RBMX2: variants seen among roughly 807,000 people sequenced by gnomAD.
RBMX2 encodes RNA binding motif protein X-linked 2.
For synonymous variants in RBMX2, 77 were observed against 94.3 expected (o/e 0.82, Z 1.07); for missense variants, 191 against 256.0 (o/e 0.75, Z 1.73).
At chrX:130,402,938 A>G (rs969679474) in intron 2 of RBMX2, among the ~76,000 whole-genome samples, 9 of 112,923 alleles carry the variant, frequency 8.0e-5, no homozygotes, top group Non-Finnish European at 1.5e-4. Flanking sequence ...ACATTGTGCT[A>G]AGCACTTTAT....
chrX:130,402,225 A>AACCAACCCCCCCCC, intron 1 of RBMX2, 30 bp from the exon 2 acceptor site: 1 of 984,797 alleles, frequency 1.0e-6, no homozygotes, highest in Non-Finnish European at 1.4e-6. Flanking sequence ...TTTTCTGCCT[A>AACCAACCCCCCCCC]CCCTCCCCAC....
chrX:130,413,439 C>G lies in RBMX2; in HGVS notation c.*591C>G, dbSNP rs1206225652. 4.5e-5 allele frequency: 5 copies of G among 111,998 alleles called. No homozygotes were observed. Among genetic ancestry groups the G allele is most frequent in the African/African-American group, 1.6e-4 (5 of 30,709 alleles). 9.2% of individuals were successfully genotyped at this position (111,998 alleles called of 1,213,427 possible). ...ATAAAGTTAACCATTTTAAAGGGAACAATTCAGTGGCATTTGGTACTGAAC... is the reference window on the plus strand; with the variant it reads ...ATAAAGTTAACCATTTTAAAGGGAAGAATTCAGTGGCATTTGGTACTGAAC... On this transcript the variant is annotated 3_prime_UTR_variant, in exon 6 of 6. Coordinates refer to ENST00000305536, the MANE Select transcript of RBMX2 (RefSeq NM_016024.4).
rs2034495387 is a variant in RBMX2 at position 130,408,278 on chromosome X, A to G, written c.174-979A>G. Among the ~76,000 whole-genome samples, 5 of 111,991 alleles carry G rather than the reference A, an allele frequency of 4.5e-5. No homozygotes were observed. The South Asian group carries it at 1.5e-3, about 33-fold the overall frequency. On this transcript the variant is annotated intron_variant, in intron 3 of 5. Transcript: ENST00000305536. ...CTCCCAAAATGCTGGGATTACAGGC[A>G]TGAGCCACCATGCCGAGCCTAATTT...
chrX:130,402,241 C>T lies in RBMX2; in HGVS notation c.6-14C>T, dbSNP rs775019578. 1 of 1,188,432 alleles carries T rather than the reference C, an allele frequency of 8.4e-7. No homozygotes were observed. The highest frequency in any genetic ancestry group is 1.1e-6 in the Non-Finnish European group (1 of 884,572). ...TTTCTGCCTACCCTCCCCACCCCCC[C>T]CGCCACCGTGAAGCCCTTTAACTAA... On this transcript the variant is annotated splice_polypyrimidine_tract_variant and intron_variant, in intron 1 of 5. Coordinates refer to ENST00000305536, the MANE Select transcript of RBMX2 (RefSeq NM_016024.4).
rs1337431547 is a variant in RBMX2, at chrX:130,412,923, A to G, written c.*75A>G. The G allele has an allele frequency of 1.3e-5, 13 of 1,023,677 alleles. No individual in the cohort carries two copies. The East Asian group carries it at 3.3e-4, about 26-fold the overall frequency. The allele number at this position is 1,023,677 out of a possible 1,213,427, so 84.4% of individuals were successfully genotyped here. A position where few individuals can be genotyped will look rare whatever the true frequency, so the allele number is the denominator to read the frequency against. On this transcript the variant is annotated 3_prime_UTR_variant, in exon 6 of 6. Coordinates refer to ENST00000305536, the MANE Select transcript of RBMX2 (RefSeq NM_016024.4). The stretch of plus-strand genomic sequence containing the variant: ...AGTCAAATTCAGTTGGGTGGTTACT[A>G]TTTTTGTATCTAAAACTTCTGGGGC...
At chrX:130,409,170 ATAT>A (rs761376188) in intron 3 of RBMX2, 84 bp from the exon 4 acceptor site, 252 of 838,537 alleles carry the variant, frequency 3.0e-4, no homozygotes, top group East Asian at 2.2e-3. Flanking sequence ...TGTATACACT[ATAT>A]TATTTGAATT....
rs2034468920 is a variant in RBMX2 at position 130,403,703 on chromosome X, T to TTGCTTACTGTTTCCACCCCTAG, written c.122-95_122-74dup. ...TTGATTTCTTTAAGGGCAGGGCCTG[T>TTGCTTACTGTTTCCACCCCTAG]TGCTTACTGTTTCCACCCCTAGTGC... On this transcript the variant is annotated intron_variant, in intron 2 of 5. Coordinates refer to ENST00000305536, the MANE Select transcript of RBMX2 (RefSeq NM_016024.4). 2.1e-5 allele frequency: 16 copies of TTGCTTACTGTTTCCACCCCTAG among 776,476 alleles called. No homozygotes were observed. In the Admixed American group the frequency reaches 3.6e-4, roughly 17 times the overall value. The allele number at this position is 776,476 out of a possible 1,213,427, so 64.0% of individuals were successfully genotyped here.
In RBMX2 at chrX:130,402,147, G is replaced by C. The variant is rs1363566528; in HGVS notation, c.6-108G>C. On this transcript the variant is annotated intron_variant, in intron 1 of 5. Coordinates refer to ENST00000305536, the MANE Select transcript of RBMX2 (RefSeq NM_016024.4). ...GGCCGAGGGGCGGGAGCGGCGCGGG[G>C]ACTGGAACAGCTCGTCCCCTAGTTT... The C allele has an allele frequency of 5.2e-6, 6 of 1,160,105 alleles. No individual in the cohort carries two copies. In the East Asian group the frequency reaches 1.3e-4, roughly 25 times the overall value.
chrX:130,403,685 C>A, intron 2 of RBMX2, 117 bp from the exon 3 acceptor site: 5 of 676,574 alleles, frequency 7.4e-6, no homozygotes, highest in Non-Finnish European at 1.2e-5. Context: ...GACTTGATTT[C>A]TTTAAGGGCA....
At chrX:130,402,228 C>CCAG in intron 1 of RBMX2, 27 bp from the exon 2 acceptor site, 1 of 1,029,130 alleles carries the variant, frequency 9.7e-7, no homozygotes, top group Non-Finnish European at 1.3e-6. Context: ...TCTGCCTACC[C>CCAG]TCCCCACCCC....
intron 3 of RBMX2, among the ~76,000 whole-genome samples, chrX:130,407,665 C>CT (rs1019718080): frequency 0.013 from 1,288 of 100,025 alleles, 18 homozygotes; most frequent in African/African-American, 0.043. Flanking sequence ...AATGTTTTTT[C>CT]TTTTTTTTTT....
intron 3 of RBMX2, 198 bp downstream of exon 3, chrX:130,404,051 T>G: frequency 2.4e-6 from 1 of 420,992 alleles, no homozygotes; most frequent in Admixed American, 3.8e-5. Context: ...AAGAGGTTTG[T>G]TAATTTGGGA....
At chrX:130,408,973 C>T (rs1013117541) in intron 3 of RBMX2, among the ~76,000 whole-genome samples, 4 of 111,442 alleles carry the variant, frequency 3.6e-5, no homozygotes, top group Admixed American at 1.9e-4. Context: ...TGGCTTATAC[C>T]TTTGTTGTGT....
intron 1 of RBMX2, 31 bp from the exon 2 acceptor site, chrX:130,402,224 T>TTCCCC: frequency 7.8e-5 from 92 of 1,174,031 alleles, no homozygotes; most frequent in Non-Finnish European, 9.1e-5. Flanking sequence ...CTTTTCTGCC[T>TTCCCC]ACCCTCCCCA....
chrX:130,409,421 T>C (rs1488449118), intron 4 of RBMX2, 35 bp downstream of exon 4: 1 of 1,183,051 alleles, frequency 8.5e-7, no homozygotes, highest in Non-Finnish European at 1.1e-6. Context: ...GGTTGGACTT[T>C]TTTCCCATGT....
intron 3 of RBMX2, among the ~76,000 whole-genome samples, chrX:130,404,712 A>C (rs1027228540): frequency 9.7e-5 from 11 of 112,960 alleles, no homozygotes; most frequent in African/African-American, 3.5e-4. Flanking sequence ...CCATGGACAG[A>C]GGGCCCTGGC....
chrX:130,405,034 G>A (rs754495852), intron 3 of RBMX2, among the ~76,000 whole-genome samples: 1 of 112,122 alleles, frequency 8.9e-6, no homozygotes, highest in Non-Finnish European at 1.9e-5. Flanking sequence ...GGTTACGCAC[G>A]TTGCTCTCCA....
At chrX:130,411,646 T>G in intron 5 of RBMX2, 121 bp downstream of exon 5, 2 of 697,150 alleles carry the variant, frequency 2.9e-6, no homozygotes, top group South Asian at 8.6e-5. Context: ...AAGCATAGTT[T>G]AATTGGGAAA....
intron 3 of RBMX2, among the ~76,000 whole-genome samples, chrX:130,404,629 G>A (rs111706116): frequency 0.025 from 2,795 of 112,674 alleles, 38 homozygotes; most frequent in Non-Finnish European, 0.035. Flanking sequence ...TACAGGTAGC[G>A]GACCATGGCA....
Sources: gnomAD v4.1 joint callset for allele counts (sites outside exome capture counted in the v4.1 genomes callset) on GRCh38, gnomAD v4.1.1 for gene constraint, MANE v1.5 for transcripts, NCBI Gene and HGNC (gene_info 2026-07-23, HGNC 2026-07-21) for gene names.